Variants in CCDC196 observed in about 807,000 individuals in gnomAD.
CCDC196 encodes coiled-coil domain-containing protein 196.
chr14:66,496,608 CTTCTATAG>C, intron 8 of CCDC196: 1 of 308,082 alleles, frequency 3.2e-6, no homozygotes, highest in Non-Finnish European at 6.4e-6. Flanking sequence ...CCCTCCCTAA[CTTCTATAG>C]AGTCCAGAAG....
intron 8 of CCDC196, among the ~76,000 whole-genome samples, chr14:66,497,456 A>G (rs1457130968): frequency 1.7e-4 from 26 of 152,160 alleles, no homozygotes; most frequent in Non-Finnish European, 4.4e-5. Flanking sequence ...AAATGTTATC[A>G]TATTTAGCAA....
intron 4 of CCDC196, among the ~76,000 whole-genome samples, chr14:66,489,567 T>C (rs1191704354): frequency 6.6e-6 from 1 of 152,154 alleles, no homozygotes; most frequent in Non-Finnish European, 1.5e-5. Context: ...GCACTGTTTA[T>C]AATATAAAAT....
chr14:66,486,406 T>G lies in CCDC196; in HGVS notation c.-97T>G. Reference sequence around the variant, plus strand: ...AGATCAGTCCACTGCAGCAGGAGTTTCAAGAACAGCAGCACAAAAATAATG... The same window carrying G: ...AGATCAGTCCACTGCAGCAGGAGTTGCAAGAACAGCAGCACAAAAATAATG... On this transcript the variant is annotated 5_prime_UTR_variant, in exon 1 of 10. Transcript: ENST00000636229. 2.5e-6 allele frequency: 1 copy of G among 398,010 alleles called. No homozygotes were observed. Among genetic ancestry groups the G allele is most frequent in the African/African-American group, 2.1e-5 (1 of 48,722 alleles). The allele number at this position is 398,010 out of a possible 1,614,324, so 24.7% of individuals were successfully genotyped here.
intron 4 of CCDC196, among the ~76,000 whole-genome samples, chr14:66,489,748 A>G (rs1158759966): frequency 6.6e-6 from 1 of 152,222 alleles, no homozygotes; most frequent in African/African-American, 2.4e-5. Flanking sequence ...ATGAATAAAC[A>G]AATGAATACC....
intron 4 of CCDC196, among the ~76,000 whole-genome samples, chr14:66,489,403 C>T (rs953750631): frequency 1.3e-5 from 2 of 152,122 alleles, no homozygotes; most frequent in African/African-American, 4.8e-5. Context: ...TCTCCACTGC[C>T]TGTAATGCTA....
At chr14:66,489,664 G>A (rs1433645360) in intron 4 of CCDC196, among the ~76,000 whole-genome samples, 2 of 151,964 alleles carry the variant, frequency 1.3e-5, no homozygotes, top group African/African-American at 4.8e-5. Context: ...TCAATATCTT[G>A]ATTGCTTTGT....
chr14:66,489,078 T>C (rs991742083), intron 4 of CCDC196, 41 bp downstream of exon 4: 3 of 413,144 alleles, frequency 7.3e-6, no homozygotes, highest in Non-Finnish European at 1.3e-5. Flanking sequence ...GTCCTACAGA[T>C]CACAACGCAA....
chr14:66,495,127 A>C (rs930292459), intron 8 of CCDC196, among the ~76,000 whole-genome samples: 2 of 152,152 alleles, frequency 1.3e-5, no homozygotes, highest in Admixed American at 1.3e-4. Flanking sequence ...AAAAGGCAAT[A>C]ATTTTCTCAC....
At chr14:66,496,033 C>T (rs572629941) in intron 8 of CCDC196, among the ~76,000 whole-genome samples, 34 of 152,160 alleles carry the variant, frequency 2.2e-4, no homozygotes, top group Non-Finnish European at 8.8e-5. Flanking sequence ...GATTGGGGCA[C>T]TAAAAGAAAA....
At chr14:66,491,546 T>A (rs1360326877) in intron 6 of CCDC196, 80 bp from the exon 7 acceptor site, 1 of 412,912 alleles carries the variant, frequency 2.4e-6, no homozygotes, top group Admixed American at 4.4e-5. Flanking sequence ...AATTTTGCTA[T>A]AAGGCTTTTG....
In CCDC196 at chr14:66,491,657, A is replaced by C; in HGVS notation, c.545A>C (p.Lys182Thr). Residue 182 changes from lysine (K) to threonine (T), a missense_variant, in exon 7 of 10, where the codon AAG (lysine) becomes ACG (threonine). Transcript: ENST00000636229. ...CAACAGAGGAAAATGGAATGGGTCA[A>C]GTATCAGGAACAAAATAACATCCTT... The part of the protein sequence containing the change: ...EKQQRKMEWV[K>T]YQEQNNILQN... 1 of 414,030 alleles carries C rather than the reference A, an allele frequency of 2.4e-6. No homozygotes were observed. Among genetic ancestry groups the C allele is most frequent in the East Asian group, 3.6e-5 (1 of 28,058 alleles). 25.6% of individuals were successfully genotyped at this position (414,030 alleles called of 1,614,324 possible).
chr14:66,496,088 T>C, intron 8 of CCDC196: 1 of 297,354 alleles, frequency 3.4e-6, no homozygotes, highest in South Asian at 3.3e-5. Context: ...TATTTGAAGT[T>C]TGTATACTTA....
intron 8 of CCDC196, chr14:66,495,915 A>G (rs2057654693): frequency 5.5e-6 from 1 of 183,268 alleles, no homozygotes. Flanking sequence ...TTTACCTAGT[A>G]TTTTACTCCC....
intron 3 of CCDC196, among the ~76,000 whole-genome samples, 198 bp from the exon 4 acceptor site, chr14:66,488,789 G>GT (rs546865486): frequency 4.6e-4 from 69 of 148,586 alleles, no homozygotes; most frequent in Middle Eastern, 3.5e-3. Context: ...CAATAACTTG[G>GT]TTTTTTTTTT....
At chr14:66,494,649 A>G (rs2057619909) in intron 8 of CCDC196, 1 of 152,226 alleles carries the variant, frequency 6.6e-6, no homozygotes, top group Admixed American at 6.5e-5. Context: ...ATAAATACAC[A>G]AAAAACAAGA....
intron 8 of CCDC196, chr14:66,496,251 G>A (rs981103188): frequency 2.2e-6 from 1 of 456,140 alleles, no homozygotes; most frequent in African/African-American, 2.0e-5. Context: ...CCAAGTAGAT[G>A]AAGAGTTTAC....
intron 8 of CCDC196, chr14:66,496,586 G>T (rs925758000): frequency 2.9e-5 from 10 of 341,350 alleles, no homozygotes; most frequent in Non-Finnish European, 1.2e-5. Flanking sequence ...TTGATTCAGG[G>T]TGTATTGTAG....
chr14:66,488,619 A>T (rs528616987), intron 3 of CCDC196, among the ~76,000 whole-genome samples: 89 of 152,302 alleles, frequency 5.8e-4, no homozygotes, highest in Non-Finnish European at 1.2e-3. Flanking sequence ...CAGGATTCTT[A>T]CAAGATTTTC....
chr14:66,498,202 G>T (rs914789991), intron 9 of CCDC196, 35 bp downstream of exon 9: 1 of 412,812 alleles, frequency 2.4e-6, no homozygotes, highest in Non-Finnish European at 4.4e-6. Context: ...ACAAAAAATC[G>T]TTTTAAGGGC....
Sources: allele counts gnomAD v4.1 joint callset (sites outside exome capture counted in the v4.1 genomes callset), GRCh38; gene constraint gnomAD v4.1.1; transcripts MANE v1.5; gene names NCBI Gene and HGNC (gene_info 2026-07-23, HGNC 2026-07-21).